The following ATP5F1A variants were observed in gnomAD, a reference collection of about 807,000 sequenced individuals.
ATP5F1A encodes ATP synthase F(1) complex subunit alpha, mitochondrial.
Under a neutral mutation model 57.4 loss-of-function variants are expected in ATP5F1A, and 24 were observed. The ratio of observed to expected loss-of-function variants is 0.42; its 90% CI spans 0.30 to 0.59. The LOEUF is 0.59. Ranked by LOEUF, ATP5F1A falls within the 20% of genes least tolerant of loss-of-function variation. ATP5F1A has a pLI of 0.19. For missense variants in ATP5F1A, 494 were observed against 707.9 expected (o/e 0.70, Z 3.43); for synonymous variants, 251 against 255.5 (o/e 0.98, Z 0.17).
At chr18:46,098,044 A>T in intron 1 of ATP5F1A, 128 bp downstream of exon 1, 2 of 1,434,830 alleles carry the variant, frequency 1.4e-6, no homozygotes, top group Non-Finnish European at 1.8e-6. Flanking sequence ...CAGCCGGAGA[A>T]GCCACGGGTG....
intron 2 of ATP5F1A, among the ~76,000 whole-genome samples, chr18:46,092,974 C>T (rs112472135): frequency 0.065 from 9,783 of 151,576 alleles, 408 homozygotes; most frequent in African/African-American, 0.12. Context: ...ATGGTGAAAC[C>T]CCCATCTCTA....
At chr18:46,098,782 C>A (rs1911169911), upstream of ATP5F1A, among the ~76,000 whole-genome samples, 1 of 152,210 alleles carries the variant, frequency 6.6e-6, no homozygotes, top group African/African-American at 2.4e-5. Context: ...AGCCCCACTT[C>A]AGACCCTCTG....
rs187541622 is a variant in ATP5F1A, at chr18:46,097,350, A to G, written c.60+822T>C. Among the ~76,000 whole-genome samples, 231 of 152,276 alleles carry G rather than the reference A, an allele frequency of 1.5e-3. 1 individual carries two copies. The highest frequency in any genetic ancestry group is 2.7e-3 in the Non-Finnish European group (186 of 68,026). ...GTCAGTGTCAATGCGTTTACACTGA[A>G]ATCATGTTAATTTCAAGGGAAACAA... On this transcript the variant is annotated intron_variant, in intron 1 of 11. Coordinates refer to ENST00000398752, the MANE Select transcript of ATP5F1A (RefSeq NM_004046.6).
rs1346631584 is a variant in ATP5F1A at position 46,091,849 on chromosome 18, T to C, written c.142A>G (p.Thr48Ala). The C allele has an allele frequency of 1.2e-6, 2 of 1,609,126 alleles. No homozygotes were observed. Among genetic ancestry groups the C allele is most frequent in the Non-Finnish European group, 1.7e-6 (2 of 1,178,862 alleles). Reference sequence around the variant, plus strand: ...TCAAGAATAGAGGACATCTCAGCAGTCCCTATGGAAGACAATTCAATTCAA... The same window carrying C: ...TCAAGAATAGAGGACATCTCAGCAGCCCCTATGGAAGACAATTCAATTCAA... ...ASNTHLQKTG[T>A]AEMSSILEER... Residue 48 changes from threonine to alanine, a missense_variant and splice_region_variant, in exon 3 of 12, where the codon ACT becomes GCT. Around this residue, in one of 6 missense-constraint regions of ATP5F1A, gnomAD observed 142 missense variants for 137.5 expected, o/e 1.03. Coordinates refer to ENST00000398752, the MANE Select transcript of ATP5F1A (RefSeq NM_004046.6).
intron 1 of ATP5F1A, 143 bp from the exon 2 acceptor site, chr18:46,095,274 A>T: frequency 1.4e-6 from 1 of 711,904 alleles, no homozygotes; most frequent in East Asian, 2.7e-5. Flanking sequence ...AAAATGTCAA[A>T]TGGGAAAGTA....
upstream of ATP5F1A, chr18:46,098,313 G>A: frequency 2.7e-6 from 4 of 1,489,670 alleles, no homozygotes; most frequent in South Asian, 5.0e-5. Context: ...CCGCAAAGAA[G>A]GTCAAGACAG....
intron 10 of ATP5F1A, 91 bp from the exon 11 acceptor site, chr18:46,084,745 T>C: frequency 2.3e-6 from 3 of 1,296,896 alleles, no homozygotes; most frequent in Non-Finnish European, 3.1e-6. Flanking sequence ...TTTCTCCAAT[T>C]CCTAACATGT....
rs1910106740 is a variant in ATP5F1A at position 46,086,468 on chromosome 18, G to A, written c.1203C>T (p.Tyr401=). ...GQIFLETELF[Y]KGIRPAINVG... ...CGTTAATTGCAGGGCGGATACCTTT[G>A]TAGAACAATTCTGTTTCCAAGAAGA... The change falls in exon 9 of 12, where the codon TAC becomes TAT. Residue 401 remains tyrosine, a synonymous_variant. Transcript: ENST00000398752. 1.2e-6 allele frequency: 2 copies of A among 1,613,960 alleles called. No individual in the cohort carries two copies. The highest frequency in any genetic ancestry group is 1.7e-6 in the Non-Finnish European group (2 of 1,180,016).
At chr18:46,098,362 A>AAACCCCCCC (rs1555696620), upstream of ATP5F1A, 4 of 1,192,930 alleles carry the variant, frequency 3.4e-6, no homozygotes, top group African/African-American at 1.6e-5. Context: ...CCTCGCGTTC[A>AAACCCCCCC]CCACCTCTCC....
At chr18:46,085,260 T>C (rs1379298835) in intron 10 of ATP5F1A, 5 of 146,558 alleles carry the variant, frequency 3.4e-5, no homozygotes, top group Non-Finnish European at 7.4e-5. Context: ...TTACCATTTC[T>C]ACTAAAAATA....
chr18:46,084,144 A>T lies in ATP5F1A; in HGVS notation c.*138T>A, dbSNP rs1012485886. On this transcript the variant is annotated 3_prime_UTR_variant, in exon 12 of 12. Transcript: ENST00000398752. ...AAGAATAACACAAATGACAGAAAAC[A>T]ACTATGCATTATGGAACCTTTATTT... 6.1e-6 allele frequency: 4 copies of T among 660,938 alleles called. No homozygotes were observed. The highest frequency in any genetic ancestry group is 7.3e-6 in the Non-Finnish European group (3 of 412,762). 40.9% of individuals were successfully genotyped at this position (660,938 alleles called of 1,614,324 possible). A position where few individuals can be genotyped will look rare whatever the true frequency, so the allele number is the denominator to read the frequency against.
In ATP5F1A at chr18:46,091,745, G is replaced by A. The variant is rs973618065; in HGVS notation, c.246C>T (p.Ala82=). The A allele has an allele frequency of 5.0e-6, 8 of 1,613,546 alleles. No homozygotes were observed. Among genetic ancestry groups the A allele is most frequent in the Non-Finnish European group, 3.4e-6 (4 of 1,179,932 alleles). The change falls in exon 3 of 12, where the codon GCC becomes GCT. Residue 82 remains alanine (A), a synonymous_variant. Coordinates refer to ENST00000398752, the MANE Select transcript of ATP5F1A (RefSeq NM_004046.6). ...GAACATTCCTCAGCCCATGTACGCG[G>A]GCAATACCATCACCAATACTTAAGA... ...GRVLSIGDGI[A]RVHGLRNVQA...
rs937629658 is a variant in ATP5F1A at position 46,087,467 on chromosome 18, C to T, written c.825G>A (p.Val275=). The change falls in exon 7 of 12, where the codon GTG becomes GTA. Residue 275 remains valine (V), a synonymous_variant. Coordinates refer to ENST00000398752, the MANE Select transcript of ATP5F1A (RefSeq NM_004046.6). ...GGGCAGCATCCGAGGCCGTAGCCGA[C>T]ACCACAATGGTGTACTTCATGGCAT... ...DADAMKYTIV[V]SATASDAAPL... is the part of the protein sequence containing the mutation. 7 of 1,614,098 alleles carry T rather than the reference C, an allele frequency of 4.3e-6. No individual in the cohort carries two copies. In the African/African-American group the frequency reaches 8.0e-5, roughly 18 times the overall value.
At chr18:46,085,987 C>T (rs1599768803) in intron 10 of ATP5F1A, 126 bp downstream of exon 10, 2 of 1,042,184 alleles carry the variant, frequency 1.9e-6, no homozygotes, top group Non-Finnish European at 2.7e-6. Context: ...AGTAAAAGTG[C>T]CTTTGATGAA....
At chr18:46,097,140 T>C (rs1174298707) in intron 1 of ATP5F1A, among the ~76,000 whole-genome samples, 3 of 152,090 alleles carry the variant, frequency 2.0e-5, no homozygotes, top group Non-Finnish European at 4.4e-5. Flanking sequence ...CAAGTTGTAA[T>C]ACTGCGACTG....
At chr18:46,096,818 C>T (rs1345913305) in intron 1 of ATP5F1A, among the ~76,000 whole-genome samples, 3 of 150,936 alleles carry the variant, frequency 2.0e-5, no homozygotes, top group African/African-American at 7.3e-5. Flanking sequence ...CCCGTCTCTA[C>T]GAAAAACTAC....
At chr18:46,100,268 A>AG (rs1458017841), upstream of ATP5F1A, among the ~76,000 whole-genome samples, 25 of 150,880 alleles carry the variant, frequency 1.7e-4, no homozygotes, top group Non-Finnish European at 3.1e-4. Context: ...AAAAAAAAAA[A>AG]AAAAGAAAGA....
Position 46,084,486 on chromosome 18 carries a change from C to T in ATP5F1A, c.1580+18G>A. 6.3e-7 allele frequency: 1 copy of T among 1,578,262 alleles called. No individual in the cohort carries two copies. The stretch of plus-strand genomic sequence containing the variant: ...TAAACATAACTTTAAAAAAAGATGC[C>T]AACAATTGCATTCATACCTGATAGT... On this transcript the variant is annotated intron_variant, in intron 11 of 11. Transcript: ENST00000398752.
At chr18:46,094,100 T>A (rs1350985558) in intron 2 of ATP5F1A, among the ~76,000 whole-genome samples, 8 of 143,784 alleles carry the variant, frequency 5.6e-5, no homozygotes, top group African/African-American at 1.9e-4. Context: ...AGAGCAAAAC[T>A]CCATCTCAAA....
Sources: allele counts gnomAD v4.1 joint callset (sites outside exome capture counted in the v4.1 genomes callset), GRCh38; gene constraint gnomAD v4.1.1; regional missense constraint gnomAD v4.1.1; transcripts MANE v1.5; gene names NCBI Gene and HGNC (gene_info 2026-07-23, HGNC 2026-07-21).